The following ZMYND8 variants were observed in gnomAD, a reference collection of about 807,000 sequenced individuals.
ZMYND8 encodes zinc finger MYND-type containing 8.
Under a neutral mutation model 140.8 loss-of-function variants are expected in ZMYND8, and 37 were observed. The ratio of observed to expected loss-of-function variants is 0.26; its 90% CI spans 0.20 to 0.35. ZMYND8 has a LOEUF of 0.35. Among genes scored for constraint, ZMYND8 ranks in the 10% least tolerant of loss-of-function variants. The pLI is 1.00. For synonymous variants in ZMYND8, 592 were observed against 597.1 expected, an observed-to-expected ratio of 0.99 and a Z score of 0.12; for missense variants, 1,068 against 1,570.0, an observed-to-expected ratio of 0.68 and a Z score of 5.40.
chr20:47,247,228 G>T (rs2040668035), intron 13 of ZMYND8, among the ~76,000 whole-genome samples: 1 of 152,208 alleles, frequency 6.6e-6, no homozygotes, highest in Non-Finnish European at 1.5e-5. Context: ...GGCTTCTGAT[G>T]AAAGAGCGGA....
chr20:47,215,198 C>A (rs1165214389), intron 21 of ZMYND8, among the ~76,000 whole-genome samples: 4 of 152,232 alleles, frequency 2.6e-5, no homozygotes, highest in Non-Finnish European at 2.9e-5. Context: ...CACGGTGAAA[C>A]CCCATCTCTA....
At chr20:47,312,509 G>A (rs191169076) in intron 2 of ZMYND8, among the ~76,000 whole-genome samples, 55 of 152,236 alleles carry the variant, frequency 3.6e-4, no homozygotes, top group Admixed American at 1.9e-3. Flanking sequence ...TCAAAAGGGC[G>A]GCCCAGAGAG....
chr20:47,261,650 G>A (rs984973399), intron 12 of ZMYND8, among the ~76,000 whole-genome samples: 5 of 152,114 alleles, frequency 3.3e-5, no homozygotes, highest in African/African-American at 1.2e-4. Flanking sequence ...AGGAATATCA[G>A]AGTATGCTGC....
At chr20:47,255,722 GTATATATA>G (rs369654557) in intron 12 of ZMYND8, among the ~76,000 whole-genome samples, 840 of 77,646 alleles carry the variant, frequency 0.011, 18 homozygotes, top group Middle Eastern at 0.016. Context: ...GTGTATGTGT[GTATATATA>G]TATATATATA....
chr20:47,226,043 C>T (rs1048996036), intron 18 of ZMYND8, among the ~76,000 whole-genome samples: 1 of 151,068 alleles, frequency 6.6e-6, no homozygotes, highest in Non-Finnish European at 1.5e-5. Flanking sequence ...CCCAGCTACT[C>T]GGGAGGCTGA....
chr20:47,227,128 C>T (rs1373390971), intron 18 of ZMYND8, 75 bp downstream of exon 18: 8 of 1,460,230 alleles, frequency 5.5e-6, no homozygotes, highest in Non-Finnish European at 6.7e-6. Context: ...ACTCACATCT[C>T]GGCTTGACTC....
rs759395786 is a variant in ZMYND8, at chr20:47,210,871, A to G, written c.3595T>C (p.Trp1199Arg). ...KYHSRSNKSS[W>R]SSSDEKRGST... ...CCCCTCTTCTCATCACTGCTGCTCC[A>G]ACTGGATTTATTACTCCGGGAATGG... The change falls in exon 23 of 23, where the codon TGG becomes CGG. Residue 1199 changes from tryptophan (W) to arginine (R), a missense_variant. By Grantham distance (101) the Trp-to-Arg change is moderately radical (BLOSUM62 -3). Coordinates refer to ENST00000471951, the MANE Select transcript of ZMYND8 (RefSeq NM_001281775.3). 1.2e-6 allele frequency: 2 copies of G among 1,613,866 alleles called. No homozygotes were observed. The highest frequency in any genetic ancestry group is 2.2e-5 in the South Asian group (2 of 91,074).
chr20:47,308,512 C>T (rs1056412282), intron 3 of ZMYND8, among the ~76,000 whole-genome samples: 4 of 152,120 alleles, frequency 2.6e-5, no homozygotes, highest in African/African-American at 7.2e-5. Context: ...TGAGCCACCG[C>T]GCCTGGCCAG....
At chr20:47,332,798 C>G (rs2081062236) in intron 2 of ZMYND8, among the ~76,000 whole-genome samples, 1 of 152,178 alleles carries the variant, frequency 6.6e-6, no homozygotes, top group South Asian at 2.1e-4. Flanking sequence ...CAATTTCACT[C>G]CTAAATCTAT....
chr20:47,230,184 C>T (rs1261485124), intron 16 of ZMYND8, among the ~76,000 whole-genome samples: 1 of 152,182 alleles, frequency 6.6e-6, no homozygotes, highest in Non-Finnish European at 1.5e-5. Flanking sequence ...GGTGCCACTT[C>T]ATAACCATAA....
At chr20:47,311,559 C>G (rs1215214923) in intron 2 of ZMYND8, among the ~76,000 whole-genome samples, 3 of 152,200 alleles carry the variant, frequency 2.0e-5, no homozygotes, top group Non-Finnish European at 2.9e-5. Flanking sequence ...CTTGCCTTTG[C>G]TCCTTTTCCA....
chr20:47,257,152 G>A (rs2074796962), intron 12 of ZMYND8, among the ~76,000 whole-genome samples: 1 of 152,086 alleles, frequency 6.6e-6, no homozygotes, highest in South Asian at 2.1e-4. Context: ...TTTTAGTGAG[G>A]AGAGGAAAGG....
chr20:47,272,137 G>A (rs1301830733), intron 11 of ZMYND8, among the ~76,000 whole-genome samples: 2 of 151,788 alleles, frequency 1.3e-5, no homozygotes, highest in Non-Finnish European at 2.9e-5. Context: ...GAGTGCAGTG[G>A]TGCGATCTCG....
chr20:47,302,514 T>C (rs1212897057), intron 3 of ZMYND8, among the ~76,000 whole-genome samples: 1 of 152,176 alleles, frequency 6.6e-6, no homozygotes, highest in Admixed American at 6.5e-5. Flanking sequence ...TATCTCACTA[T>C]GTATATGCAA....
At chr20:47,283,754 T>C (rs550024042) in intron 8 of ZMYND8, 106 bp from the exon 9 acceptor site, 16 of 1,110,374 alleles carry the variant, frequency 1.4e-5, no homozygotes, top group African/African-American at 4.7e-5. Context: ...TAAAGTCCCA[T>C]AGAGGGAACA....
chr20:47,307,586 T>C (rs1201392584), intron 3 of ZMYND8, among the ~76,000 whole-genome samples: 4 of 151,806 alleles, frequency 2.6e-5, no homozygotes, highest in Non-Finnish European at 5.9e-5. Flanking sequence ...AAAAAGAGGG[T>C]AGGCTGGGCA....
At chr20:47,211,098 C>A (rs1427492712) in intron 22 of ZMYND8, among the ~76,000 whole-genome samples, 1 of 152,118 alleles carries the variant, frequency 6.6e-6, no homozygotes, top group East Asian at 1.9e-4. Context: ...TAGGATTTAA[C>A]GACAACCGGT....
chr20:47,290,259 T>C lies in ZMYND8; in HGVS notation c.676A>G (p.Met226Val). 1 of 1,613,256 alleles carries C rather than the reference T, an allele frequency of 6.2e-7. No individual in the cohort carries two copies. Among genetic ancestry groups the C allele is most frequent in the Non-Finnish European group, 8.5e-7 (1 of 1,179,688 alleles). ...CTLEKNAKKKMYGCTEAFLAD... is the reference protein window; with the variant it reads ...CTLEKNAKKKVYGCTEAFLAD... The stretch of plus-strand genomic sequence containing the variant: ...AGGAAGGCTTCTGTGCAGCCATACA[T>C]TTTCTTTTTCGCATTCTGGGAAGAA... The change falls in exon 7 of 23, where the codon ATG becomes GTG. Residue 226 changes from methionine to valine, a missense_variant. This residue lies in a region of ZMYND8 where 109 missense variants were observed against 314.9 expected (regional missense o/e 0.35). Transcript: ENST00000471951.
intron 1 of ZMYND8, 154 bp downstream of exon 1, chr20:47,356,503 A>G: frequency 6.2e-6 from 10 of 1,602,604 alleles, no homozygotes; most frequent in Non-Finnish European, 8.5e-6. Context: ...TGACCCAAGA[A>G]AGCAAAAAAA....
Sources: gnomAD v4.1 joint callset for allele counts (sites outside exome capture counted in the v4.1 genomes callset) on GRCh38, gnomAD v4.1.1 for gene constraint, gnomAD v4.1.1 regional missense constraint, MANE v1.5 for transcripts, NCBI Gene and HGNC (gene_info 2026-07-23, HGNC 2026-07-21) for gene names.